The following FCHO2 variants were observed in gnomAD, a reference collection of about 807,000 sequenced individuals.
FCHO2 encodes the protein F-BAR domain only protein 2.
FCHO2 carries 43 observed loss-of-function variants against 114.1 expected under a neutral mutation model. The ratio of observed to expected loss-of-function variants is 0.38; its 90% CI spans 0.30 to 0.49. The LOEUF is 0.49. Ranked by LOEUF, FCHO2 falls within the 20% of genes least tolerant of loss-of-function variation. FCHO2 has a pLI of 0.97. For missense variants in FCHO2, 807 were observed against 950.4 expected, an observed-to-expected ratio of 0.85 and a Z score of 1.98; for synonymous variants, 293 against 315.2, an observed-to-expected ratio of 0.93 and a Z score of 0.75.
At chr5:73,043,224 T>TCCTGGA (rs1258201681) in intron 11 of FCHO2, among the ~76,000 whole-genome samples, 1 of 152,116 alleles carries the variant, frequency 6.6e-6, no homozygotes, top group East Asian at 1.9e-4. Flanking sequence ...GAACCACTGT[T>TCCTGGA]CCTGGCCAAC....
At chr5:73,068,811 G>A (rs770699816) in intron 19 of FCHO2, 32 bp downstream of exon 19, 7 of 1,605,532 alleles carry the variant, frequency 4.4e-6, no homozygotes, top group Non-Finnish European at 6.0e-6. Context: ...CATGTGAAAT[G>A]TAGTGTACAA....
intron 18 of FCHO2, among the ~76,000 whole-genome samples, chr5:73,066,104 A>G (rs558554958): frequency 7.7e-4 from 117 of 152,164 alleles, no homozygotes; most frequent in Non-Finnish European, 1.5e-3. Flanking sequence ...TTAAAGTGAT[A>G]GAATCTTTTG....
chr5:72,997,734 A>G (rs1043657899), intron 5 of FCHO2: 1 of 1,451,382 alleles, frequency 6.9e-7, no homozygotes, highest in South Asian at 1.3e-5. Flanking sequence ...CAATGTGAGG[A>G]CTGCCTGGGC....
In FCHO2 at chr5:73,017,273, T is replaced by C; in HGVS notation, c.761T>C (p.Phe254Ser). The change falls in exon 8 of 26, where the codon TTT (phenylalanine) becomes TCT (serine). Residue 254 changes from phenylalanine to serine, a missense_variant. Coordinates refer to ENST00000430046, the MANE Select transcript of FCHO2 (RefSeq NM_138782.3). ...ACAGTTGAAAGTTTGATACAAAAAT[T>C]TGCTGAGTCAAAAGGCACTGGGAAG... Reference protein sequence around the residue: ...NTTVESLIQKFAESKGTGKER... With the variant: ...NTTVESLIQKSAESKGTGKER... The C allele has an allele frequency of 6.4e-7, 1 of 1,567,274 alleles. No homozygotes were observed. Among genetic ancestry groups the C allele is most frequent in the Non-Finnish European group, 8.7e-7 (1 of 1,155,162 alleles).
At chr5:72,991,839 GCA>G (rs1218925820) in intron 5 of FCHO2, among the ~76,000 whole-genome samples, 1 of 152,118 alleles carries the variant, frequency 6.6e-6, no homozygotes, top group Non-Finnish European at 1.5e-5. Flanking sequence ...ATGTTTAAAT[GCA>G]CAGATACTTT....
In FCHO2 at chr5:72,989,469, A is replaced by G; in HGVS notation, c.168A>G (p.Leu56=). The G allele has an allele frequency of 6.2e-7, 1 of 1,607,092 alleles. No individual in the cohort carries two copies. Among genetic ancestry groups the G allele is most frequent in the Non-Finnish European group, 8.5e-7 (1 of 1,176,498 alleles). Residue 56 remains leucine, a synonymous_variant, in exon 3 of 26, where the codon CTA becomes CTG. Transcript: ENST00000430046. The part of the protein sequence containing the change: ...EEAYSRSMTK[L]AKSASNYSQL... ...CATACTCCAGGTCAATGACAAAACT[A>G]GCAAAATCTGCAAGCAATTATTCAC...
chr5:73,000,922 A>G (rs1754400939), intron 5 of FCHO2, among the ~76,000 whole-genome samples: 1 of 152,122 alleles, frequency 6.6e-6, no homozygotes, highest in African/African-American at 2.4e-5. Context: ...TTCCCTTTTA[A>G]TAATGACTAT....
chr5:73,005,323 A>ATT (rs757586264), intron 5 of FCHO2, among the ~76,000 whole-genome samples: 3 of 152,170 alleles, frequency 2.0e-5, no homozygotes, highest in Non-Finnish European at 4.4e-5. Flanking sequence ...CTTTAAACAA[A>ATT]TTAAGTATTT....
intron 18 of FCHO2, among the ~76,000 whole-genome samples, chr5:73,066,681 A>G (rs1742352635): frequency 6.9e-6 from 1 of 144,328 alleles, no homozygotes; most frequent in African/African-American, 2.6e-5. Flanking sequence ...CTCCCTACCC[A>G]CTGAAAGAAC....
At chr5:73,048,870 C>CTTT (rs764057424) in intron 11 of FCHO2, among the ~76,000 whole-genome samples, 352 of 105,416 alleles carry the variant, frequency 3.3e-3, no homozygotes, top group Non-Finnish European at 3.6e-3. Flanking sequence ...AATTTGCTAT[C>CTTT]TTTTTTTTTT....
At chr5:73,026,796 A>G (rs1465238468) in intron 8 of FCHO2, among the ~76,000 whole-genome samples, 2 of 151,942 alleles carry the variant, frequency 1.3e-5, no homozygotes, top group African/African-American at 2.4e-5. Flanking sequence ...GGTTCAAGCA[A>G]TTCTCATGCC....
chr5:73,083,132 C>A (rs538873201), intron 24 of FCHO2, among the ~76,000 whole-genome samples: 2 of 152,204 alleles, frequency 1.3e-5, no homozygotes, highest in African/African-American at 4.8e-5. Context: ...GATCTGCCCA[C>A]CTCGGCCTCC....
At chr5:72,986,884 T>C (rs575911484) in intron 2 of FCHO2, among the ~76,000 whole-genome samples, 171 of 150,776 alleles carry the variant, frequency 1.1e-3, no homozygotes, top group African/African-American at 4.0e-3. Flanking sequence ...CTTTTTTTTT[T>C]CTTTTTTTTT....
chr5:73,039,937 A>G (rs1252151757), intron 10 of FCHO2, among the ~76,000 whole-genome samples: 1 of 145,778 alleles, frequency 6.9e-6, no homozygotes, highest in African/African-American at 2.5e-5. Context: ...GTGTCAGAGA[A>G]AAAAAGAAAA....
chr5:73,002,174 G>A (rs1754481140), intron 5 of FCHO2, among the ~76,000 whole-genome samples: 1 of 151,880 alleles, frequency 6.6e-6, no homozygotes, highest in South Asian at 2.1e-4. Context: ...ATCATGAGAG[G>A]AAAAAAAGAA....
chr5:72,956,989 T>C (rs946286923), intron 1 of FCHO2, among the ~76,000 whole-genome samples: 3 of 152,156 alleles, frequency 2.0e-5, no homozygotes, highest in African/African-American at 7.2e-5. Flanking sequence ...TTTTATGCCC[T>C]GACAGTTGCA....
At chr5:73,086,187 T>G (rs1743305871) in intron 24 of FCHO2, among the ~76,000 whole-genome samples, 1 of 152,154 alleles carries the variant, frequency 6.6e-6, no homozygotes, top group Admixed American at 6.5e-5. Context: ...GACTGTGTAC[T>G]CAGAAGAGGG....
chr5:73,063,758 G>C, intron 17 of FCHO2, 83 bp from the exon 18 acceptor site: 1 of 1,280,396 alleles, frequency 7.8e-7, no homozygotes, highest in Non-Finnish European at 1.1e-6. Context: ...ATTACCAAAA[G>C]TTTCTTTATA....
At chr5:73,031,603 G>A (rs530248568) in intron 8 of FCHO2, among the ~76,000 whole-genome samples, 1 of 152,120 alleles carries the variant, frequency 6.6e-6, no homozygotes, top group African/African-American at 2.4e-5. Context: ...ATCCAAATTA[G>A]GTTTGAATGG....
Sources: allele counts gnomAD v4.1 joint callset (sites outside exome capture counted in the v4.1 genomes callset), GRCh38; gene constraint gnomAD v4.1.1; transcripts MANE v1.5; gene names NCBI Gene and HGNC (gene_info 2026-07-23, HGNC 2026-07-21).